The following SULT4A1 variants were observed in gnomAD, a reference collection of about 807,000 sequenced individuals.
SULT4A1 encodes sulfotransferase 4A1.
SULT4A1 carries 11 observed loss-of-function variants against 35.2 expected under a neutral mutation model. The ratio of observed to expected loss-of-function variants is 0.31; its 90% confidence interval spans 0.20 to 0.52. SULT4A1 has a LOEUF of 0.52. Among genes scored for constraint, SULT4A1 ranks in the 20% least tolerant of loss-of-function variants. The probability of loss-of-function intolerance (pLI) is 0.97; values close to 1 mark genes in which losing one functional copy is unlikely to be tolerated. For missense variants in SULT4A1, 271 were observed against 383.7 expected (o/e 0.71, Z 2.45); for synonymous variants, 152 against 151.8 (o/e 1.00, Z -0.01).
At position 43,839,013 on chromosome 22, in the gene SULT4A1, G is replaced by C. The variant is rs1221128585; in HGVS notation, c.382-20C>G. The C allele has an allele frequency of 6.2e-7, 1 of 1,612,484 alleles. No homozygotes were observed. The highest frequency in any genetic ancestry group is 1.7e-5 in the Admixed American group (1 of 59,978). On this transcript the variant is annotated intron_variant, in intron 3 of 6. Coordinates refer to ENST00000330884, the MANE Select transcript of SULT4A1 (RefSeq NM_014351.4). Reference sequence around the variant, plus strand: ...GATGACCTGTGGGTGACAGGAGCAGGATGAGTCCGTGTCTCCTTCCCTCCC... The same window carrying C: ...GATGACCTGTGGGTGACAGGAGCAGCATGAGTCCGTGTCTCCTTCCCTCCC...
chr22:43,860,047 C>G (rs1302089467), intron 1 of SULT4A1, among the ~76,000 whole-genome samples: 2 of 152,188 alleles, frequency 1.3e-5, no homozygotes, highest in Non-Finnish European at 2.9e-5. Context: ...TTGCCTTAGC[C>G]ACCAGAAAGC....
At chr22:43,861,692 G>C (rs571128239) in intron 1 of SULT4A1, among the ~76,000 whole-genome samples, 1 of 152,376 alleles carries the variant, frequency 6.6e-6, no homozygotes, top group East Asian at 1.9e-4. Flanking sequence ...GGCACTCCAG[G>C]CGGGGACTGG....
chr22:43,832,678 C>T (rs1335793132), intron 5 of SULT4A1, among the ~76,000 whole-genome samples: 1 of 152,084 alleles, frequency 6.6e-6, no homozygotes, highest in Non-Finnish European at 1.5e-5. Context: ...CACCCCACCA[C>T]CCCAGGGCCA....
rs964352039 is a variant in SULT4A1, at chr22:43,838,702, C to T, written c.508+165G>A. On this transcript the variant is annotated intron_variant, in intron 4 of 6. Transcript: ENST00000330884. ...AGCTCTAGGATCTCGGCCACGTTCACGACCCTCGGCCTCAGTGTCTTCATC... is the reference window on the plus strand; with the variant it reads ...AGCTCTAGGATCTCGGCCACGTTCATGACCCTCGGCCTCAGTGTCTTCATC... Among the ~76,000 whole-genome samples the T allele has an allele frequency of 2.0e-5, 3 of 152,212 alleles. No homozygotes were observed. In the East Asian group the frequency reaches 5.8e-4, roughly 29 times the overall value.
chr22:43,849,065 C>T (rs1020560053), intron 1 of SULT4A1, among the ~76,000 whole-genome samples: 10 of 152,188 alleles, frequency 6.6e-5, no homozygotes, highest in Non-Finnish European at 1.5e-4. Flanking sequence ...GGACTTGGGT[C>T]GAGGCCTGTG....
chr22:43,827,191 G>C (rs939541993), intron 6 of SULT4A1: 6 of 985,256 alleles, frequency 6.1e-6, no homozygotes, highest in African/African-American at 1.7e-5. Flanking sequence ...TCCATTGTCA[G>C]CTCTCTGAGA....
At chr22:43,836,472 T>C (rs1404326822) in intron 4 of SULT4A1, among the ~76,000 whole-genome samples, 1 of 133,058 alleles carries the variant, frequency 7.5e-6, no homozygotes, top group Non-Finnish European at 1.6e-5. Context: ...AGGGATCCTG[T>C]CTACACAGCG....
At chr22:43,839,815 G>C in intron 3 of SULT4A1, 130 bp downstream of exon 3, 2 of 834,260 alleles carry the variant, frequency 2.4e-6, no homozygotes, top group South Asian at 2.9e-5. Context: ...GGATCTTCAC[G>C]TGTGGGCTCC....
chr22:43,849,744 G>A (rs868374723), intron 1 of SULT4A1, among the ~76,000 whole-genome samples: 6 of 152,290 alleles, frequency 3.9e-5, no homozygotes, highest in East Asian at 1.9e-4. Flanking sequence ...ACAAGAACTC[G>A]GGTGCCACGA....
intron 1 of SULT4A1, among the ~76,000 whole-genome samples, chr22:43,847,098 G>T (rs1028699211): frequency 6.6e-6 from 1 of 151,994 alleles, no homozygotes; most frequent in Non-Finnish European, 1.5e-5. Flanking sequence ...TCTCCAGCCT[G>T]CCACATCAAT....
chr22:43,828,623 G>A (rs556502458), intron 6 of SULT4A1, among the ~76,000 whole-genome samples: 3 of 152,154 alleles, frequency 2.0e-5, no homozygotes, highest in Non-Finnish European at 4.4e-5. Flanking sequence ...CTAACTTCCC[G>A]CCCACTTCAT....
intron 6 of SULT4A1, chr22:43,826,986 C>T (rs2063291653): frequency 2.0e-6 from 2 of 985,332 alleles, no homozygotes; most frequent in South Asian, 9.4e-5. Context: ...CGAAAGACAG[C>T]TCAACATGAC....
At chr22:43,859,526 C>A (rs2049441751) in intron 1 of SULT4A1, among the ~76,000 whole-genome samples, 1 of 152,252 alleles carries the variant, frequency 6.6e-6, no homozygotes, top group South Asian at 2.1e-4. Context: ...TTGACAAAAC[C>A]AGTGGCAGTG....
intron 5 of SULT4A1, among the ~76,000 whole-genome samples, chr22:43,833,267 A>G (rs2148280227): frequency 6.6e-6 from 1 of 152,062 alleles, no homozygotes. Flanking sequence ...GTGGTGACCC[A>G]GGCTCCCCAA....
chr22:43,847,799 G>A lies in SULT4A1; in HGVS notation c.170-5867C>T, dbSNP rs116443757. On this transcript the variant is annotated intron_variant, in intron 1 of 6. Transcript: ENST00000330884. ...CTGTCCTAGCACACTGTCACGCTGT[G>A]CCTGGCTGGGGCAAGCCCTGTGAGG... 7.2e-3 allele frequency among the ~76,000 whole-genome samples: 1,099 copies of A among 152,354 alleles called. 9 individuals carry two copies. Among genetic ancestry groups the A allele is most frequent in the African/African-American group, 0.026 (1,070 of 41,586 alleles).
intron 1 of SULT4A1, among the ~76,000 whole-genome samples, chr22:43,854,985 G>A (rs983273245): frequency 3.9e-5 from 6 of 152,200 alleles, no homozygotes; most frequent in Non-Finnish European, 2.9e-5. Context: ...GCCTCCAGAC[G>A]ACGGGACACT....
intron 1 of SULT4A1, among the ~76,000 whole-genome samples, chr22:43,843,110 G>T (rs2063447243): frequency 6.6e-6 from 1 of 151,896 alleles, no homozygotes; most frequent in African/African-American, 2.4e-5. Context: ...CTGTCTTGGA[G>T]CTGGCTATGA....
chr22:43,850,938 A>T (rs770187768), intron 1 of SULT4A1, among the ~76,000 whole-genome samples: 24 of 151,958 alleles, frequency 1.6e-4, no homozygotes, highest in Non-Finnish European at 3.1e-4. Context: ...CTCATTCACT[A>T]GGCCAGACAG....
intron 1 of SULT4A1, among the ~76,000 whole-genome samples, chr22:43,861,516 TC>T (rs1029001928): frequency 1.4e-4 from 22 of 152,112 alleles, no homozygotes; most frequent in Admixed American, 8.5e-4. Context: ...ACCAGCCTCT[TC>T]CCCTCTCTGA....
Sources: allele counts gnomAD v4.1 joint callset (sites outside exome capture counted in the v4.1 genomes callset), GRCh38; gene constraint gnomAD v4.1.1; transcripts MANE v1.5; gene names NCBI Gene and HGNC (gene_info 2026-07-23, HGNC 2026-07-21).